The following PPP3R1 variants were observed in gnomAD, a reference collection of about 807,000 sequenced individuals.
PPP3R1 encodes the protein protein phosphatase 3 regulatory subunit B, alpha, also known as calcineurin subunit B type 1.
Under a neutral mutation model 22.6 loss-of-function variants are expected in PPP3R1, and 5 were observed. The observed-to-expected ratio is 0.22, with a 90% CI of 0.12 to 0.46. The LOEUF (loss-of-function observed/expected upper bound fraction) is 0.46, where lower values mean the gene tolerates loss of function less well. Ranked by LOEUF, PPP3R1 falls within the 20% of genes least tolerant of loss-of-function variation. PPP3R1 has a pLI of 0.99. For missense variants in PPP3R1, 61 were observed against 203.2 expected (o/e 0.30, Z 4.25); for synonymous variants, 56 against 65.2 (o/e 0.86, Z 0.68).
intron 5 of PPP3R1, among the ~76,000 whole-genome samples, chr2:68,185,340 TAA>T (rs1441846047): frequency 1.3e-5 from 2 of 149,410 alleles, no homozygotes; most frequent in African/African-American, 4.9e-5. Context: ...AGATATATTT[TAA>T]TTTCCTTCCA....
chr2:68,181,571 C>CAT (rs1424991279), intron 5 of PPP3R1, among the ~76,000 whole-genome samples: 1 of 145,346 alleles, frequency 6.9e-6, no homozygotes, highest in Non-Finnish European at 1.5e-5. Flanking sequence ...TTGCAGGCTA[C>CAT]ATGTAGTTTC....
At chr2:68,206,890 G>A (rs1369165151) in intron 2 of PPP3R1, among the ~76,000 whole-genome samples, 1 of 152,130 alleles carries the variant, frequency 6.6e-6, no homozygotes, top group Non-Finnish European at 1.5e-5. Context: ...GAAAAGCTGA[G>A]AGGACACTGT....
intron 2 of PPP3R1, among the ~76,000 whole-genome samples, chr2:68,195,639 G>A (rs4671878): frequency 0.75 from 113,272 of 152,020 alleles, 43,258 homozygotes; most frequent in African/African-American, 0.93. Flanking sequence ...TTTGCCTAAT[G>A]AAAAATTTCT....
chr2:68,208,257 A>C (rs1317142483), intron 2 of PPP3R1, among the ~76,000 whole-genome samples: 1 of 152,220 alleles, frequency 6.6e-6, no homozygotes, highest in Admixed American at 6.5e-5. Flanking sequence ...TATTCTGTAG[A>C]TAAGTTAACT....
At chr2:68,223,831 T>C (rs1337578179) in intron 1 of PPP3R1, among the ~76,000 whole-genome samples, 1 of 144,172 alleles carries the variant, frequency 6.9e-6, no homozygotes, top group African/African-American at 2.6e-5. Flanking sequence ...ACAAAAGGTA[T>C]ACAGATTGGA....
chr2:68,181,132 GT>G, intron 5 of PPP3R1, 122 bp from the exon 6 acceptor site: 1 of 895,638 alleles, frequency 1.1e-6, no homozygotes, highest in East Asian at 2.7e-5. Flanking sequence ...GCTCACACCT[GT>G]AATCCCAGCA....
rs199824687 is a variant in PPP3R1 at position 68,198,062 on chromosome 2, C to CAAAAAAAAAAAAA, written c.44-9385_44-9373dup. Among the ~76,000 whole-genome samples the CAAAAAAAAAAAAA allele has an allele frequency of 5.7e-4, 24 of 42,002 alleles. 6 individuals are homozygous for CAAAAAAAAAAAAA. Among genetic ancestry groups the CAAAAAAAAAAAAA allele is most frequent in the African/African-American group, 2.5e-3 (23 of 9,098 alleles). The allele number at this position is 42,002 out of a possible 152,430, so 27.6% of individuals were successfully genotyped here. ...GCTCCCTTTACAACGGCACCTTTGG[C>CAAAAAAAAAAAAA]AAAAAAAAAAAAAAAAAAAAAAAAA... On this transcript the variant is annotated intron_variant, in intron 2 of 5. Transcript: ENST00000234310.
chr2:68,230,515 C>T (rs969960909), intron 1 of PPP3R1, among the ~76,000 whole-genome samples: 1 of 152,276 alleles, frequency 6.6e-6, no homozygotes, highest in Non-Finnish European at 1.5e-5. Flanking sequence ...TTTAGAACCA[C>T]ATCAGTATTG....
intron 2 of PPP3R1, among the ~76,000 whole-genome samples, chr2:68,196,234 AG>A (rs1387303720): frequency 6.6e-6 from 1 of 152,226 alleles, no homozygotes; most frequent in Admixed American, 6.5e-5. Flanking sequence ...TTAACTTAAA[AG>A]CTTTACAGTT....
chr2:68,232,150 T>C, intron 1 of PPP3R1, among the ~76,000 whole-genome samples: 1 of 41,874 alleles, frequency 2.4e-5, no homozygotes, highest in Admixed American at 3.0e-4. Flanking sequence ...TATATATGTA[T>C]ATATATATAC....
intron 2 of PPP3R1, among the ~76,000 whole-genome samples, chr2:68,192,018 G>A (rs892890753): frequency 7.2e-5 from 11 of 152,080 alleles, no homozygotes; most frequent in African/African-American, 2.7e-4. Context: ...CATATAACAG[G>A]TGCTTAATTA....
intron 1 of PPP3R1, among the ~76,000 whole-genome samples, chr2:68,221,588 T>C (rs1167957912): frequency 6.6e-6 from 1 of 152,154 alleles, no homozygotes; most frequent in East Asian, 1.9e-4. Flanking sequence ...TATATGCTGT[T>C]TAAAGAAATA....
intron 1 of PPP3R1, among the ~76,000 whole-genome samples, chr2:68,225,372 A>C (rs1669762934): frequency 6.6e-6 from 1 of 152,236 alleles, no homozygotes; most frequent in African/African-American, 2.4e-5. Context: ...CATGGCATTG[A>C]ATGCAGGCAG....
intron 2 of PPP3R1, among the ~76,000 whole-genome samples, chr2:68,216,203 G>GA (rs1184512772): frequency 1.3e-5 from 2 of 151,708 alleles, no homozygotes; most frequent in Non-Finnish European, 2.9e-5. Flanking sequence ...AACAAAAAAG[G>GA]AAAAAAAGCT....
At chr2:68,229,973 T>TACACACATACACACAC (rs1669859670) in intron 1 of PPP3R1, among the ~76,000 whole-genome samples, 1 of 143,140 alleles carries the variant, frequency 7.0e-6, no homozygotes, top group African/African-American at 2.6e-5. Flanking sequence ...TATACACACA[T>TACACACATACACACAC]ACACACACAC....
chr2:68,232,216 T>TACATATAC lies in PPP3R1; in HGVS notation c.4-15086_4-15085insGTATATGT. ...ATACATATTATATACATATTGTATA[T>TACATATAC]GTATATATGTGTGTGTGTGTGTGTG... On this transcript the variant is annotated intron_variant, in intron 1 of 5. Coordinates refer to ENST00000234310, the MANE Select transcript of PPP3R1 (RefSeq NM_000945.4). 5.3e-5 allele frequency among the ~76,000 whole-genome samples: 3 copies of TACATATAC among 56,124 alleles called. No homozygotes were observed. In the South Asian group the frequency reaches 2.0e-3, roughly 37 times the overall value. The allele number at this position is 56,124 out of a possible 152,430, so 36.8% of individuals were successfully genotyped here. A position where few individuals can be genotyped will look rare whatever the true frequency, so the allele number is the denominator to read the frequency against.
At chr2:68,231,622 G>A (rs888955512) in intron 1 of PPP3R1, among the ~76,000 whole-genome samples, 3 of 152,056 alleles carry the variant, frequency 2.0e-5, no homozygotes, top group Non-Finnish European at 2.9e-5. Flanking sequence ...ATTTTATCAT[G>A]GAGATATTTA....
intron 1 of PPP3R1, among the ~76,000 whole-genome samples, chr2:68,238,691 T>C (rs1670062890): frequency 6.6e-6 from 1 of 152,118 alleles, no homozygotes; most frequent in African/African-American, 2.4e-5. Context: ...GAAAAAAGTA[T>C]TATGTGGGCT....
intron 1 of PPP3R1, among the ~76,000 whole-genome samples, chr2:68,251,513 C>G (rs1157981895): frequency 3.3e-5 from 5 of 152,180 alleles, no homozygotes; most frequent in Admixed American, 3.3e-4. Context: ...AAAGCAGCAG[C>G]GAACGGAAAC....
Sources: gnomAD v4.1 joint callset for allele counts (sites outside exome capture counted in the v4.1 genomes callset) on GRCh38, gnomAD v4.1.1 for gene constraint, MANE v1.5 for transcripts, NCBI Gene and HGNC (gene_info 2026-07-23, HGNC 2026-07-21) for gene names.